The following SH3RF1 variants were observed in gnomAD, a reference collection of about 807,000 sequenced individuals.
SH3RF1 encodes the protein SH3 domain containing ring finger 1.
A neutral mutation model predicts 74.0 loss-of-function variants in SH3RF1; 32 were observed. The observed-to-expected ratio is 0.43, with a 90% CI of 0.33 to 0.58. The LOEUF is 0.58. Among genes scored for constraint, SH3RF1 ranks in the 20% least tolerant of loss-of-function variants. The pLI is 0.05. For synonymous variants in SH3RF1, 396 were observed against 439.6 expected (o/e 0.90, Z 1.24); for missense variants, 954 against 1,130.9 (o/e 0.84, Z 2.24).
chr4:169,156,399 T>C lies in SH3RF1; in HGVS notation c.669+5A>G, dbSNP rs567798362. 2.5e-6 allele frequency: 4 copies of C among 1,581,624 alleles called. No individual in the cohort carries two copies. In the African/African-American group the frequency reaches 4.0e-5, roughly 16 times the overall value. ...AAACAGAAAACAAGCACATTCTACCTTTACCTTTGCAAATGGAAGGCAATC... is the reference window on the plus strand; with the variant it reads ...AAACAGAAAACAAGCACATTCTACCCTTACCTTTGCAAATGGAAGGCAATC... On this transcript the variant is annotated splice_donor_5th_base_variant and intron_variant, in intron 3 of 11. Transcript: ENST00000284637.
intron 10 of SH3RF1, among the ~76,000 whole-genome samples, chr4:169,114,573 T>C (rs1733300885): frequency 6.6e-6 from 1 of 152,166 alleles, no homozygotes; most frequent in African/African-American, 2.4e-5. Context: ...AATTCTACAT[T>C]GGAAGGGCCC....
intron 2 of SH3RF1, among the ~76,000 whole-genome samples, chr4:169,229,763 T>C (rs186148360): frequency 6.6e-6 from 1 of 152,334 alleles, no homozygotes; most frequent in African/African-American, 2.4e-5. Context: ...TTTATGCTCC[T>C]GAGAGTATAC....
At chr4:169,228,004 T>C (rs916781603) in intron 2 of SH3RF1, among the ~76,000 whole-genome samples, 2 of 152,246 alleles carry the variant, frequency 1.3e-5, no homozygotes, top group Non-Finnish European at 2.9e-5. Flanking sequence ...GGATTTCATT[T>C]CCTATAAAAG....
At chr4:169,243,778 A>G (rs931304615) in intron 2 of SH3RF1, among the ~76,000 whole-genome samples, 4 of 152,216 alleles carry the variant, frequency 2.6e-5, no homozygotes, top group African/African-American at 9.6e-5. Context: ...TGAACTTTTT[A>G]GAATCAGAAT....
At position 169,192,241 on chromosome 4, in the gene SH3RF1, A is replaced by AG. The variant is rs758541491; in HGVS notation, c.394-35563dup. 2.0e-5 allele frequency among the ~76,000 whole-genome samples: 3 copies of AG among 152,242 alleles called. No individual in the cohort carries two copies. In the South Asian group the frequency reaches 6.2e-4, roughly 32 times the overall value. ...CAAAAAGTGGGCTCAGGACATGAAT[A>AG]GACAGTTCGCAAAAGAAGATATACA... On this transcript the variant is annotated intron_variant, in intron 2 of 11. Transcript: ENST00000284637.
chr4:169,215,534 T>C (rs759552702), intron 2 of SH3RF1, among the ~76,000 whole-genome samples: 9 of 152,206 alleles, frequency 5.9e-5, no homozygotes, highest in Non-Finnish European at 1.3e-4. Context: ...AATTTCTTCC[T>C]TCAGTGTTTG....
intron 2 of SH3RF1, among the ~76,000 whole-genome samples, chr4:169,239,367 A>C (rs1442724793): frequency 6.6e-6 from 1 of 152,202 alleles, no homozygotes; most frequent in Admixed American, 6.5e-5. Flanking sequence ...AGCCAAGCAT[A>C]CAGAGAAATA....
intron 2 of SH3RF1, among the ~76,000 whole-genome samples, chr4:169,228,947 CG>C (rs546949272): frequency 0.01 from 1,548 of 151,964 alleles, 29 homozygotes; most frequent in African/African-American, 0.036. Flanking sequence ...TTCTGTTCTT[CG>C]AAAAACAAAC....
chr4:169,126,088 C>G (rs1384103205), intron 6 of SH3RF1, among the ~76,000 whole-genome samples: 1 of 152,154 alleles, frequency 6.6e-6, no homozygotes, highest in African/African-American at 2.4e-5. Context: ...TCCCAGTGCC[C>G]TGGAACACAG....
intron 5 of SH3RF1, among the ~76,000 whole-genome samples, chr4:169,136,052 G>T (rs1425211074): frequency 6.6e-6 from 1 of 152,134 alleles, no homozygotes; most frequent in Non-Finnish European, 1.5e-5. Context: ...TGGTGAAACT[G>T]GTAAGTATTA....
At chr4:169,165,832 A>G (rs1037677640) in intron 2 of SH3RF1, among the ~76,000 whole-genome samples, 1 of 152,238 alleles carries the variant, frequency 6.6e-6, no homozygotes, top group African/African-American at 2.4e-5. Context: ...ACTAGACAAA[A>G]GCGTCAAGGC....
At chr4:169,131,471 A>G (rs1462441509) in intron 5 of SH3RF1, among the ~76,000 whole-genome samples, 2 of 152,084 alleles carry the variant, frequency 1.3e-5, no homozygotes, top group African/African-American at 4.8e-5. Flanking sequence ...TTGAACTCCA[A>G]ACCCTCATTT....
chr4:169,110,833 T>G (rs917737613), intron 10 of SH3RF1, among the ~76,000 whole-genome samples: 1 of 152,130 alleles, frequency 6.6e-6, no homozygotes, highest in African/African-American at 2.4e-5. Context: ...CTGACTCATA[T>G]GGAATTAATG....
intron 2 of SH3RF1, among the ~76,000 whole-genome samples, chr4:169,157,337 CGTGGTCT>C (rs772391891): frequency 1.3e-5 from 2 of 152,286 alleles, no homozygotes; most frequent in Non-Finnish European, 1.5e-5. Context: ...TGTATAGACA[CGTGGTCT>C]TTTACAGCCT....
At chr4:169,105,491 TA>T (rs762153442) in intron 11 of SH3RF1, among the ~76,000 whole-genome samples, 6 of 152,192 alleles carry the variant, frequency 3.9e-5, no homozygotes, top group Non-Finnish European at 7.4e-5. Flanking sequence ...CTGGAATCAC[TA>T]AAACAGGGCT....
chr4:169,218,174 AATG>A (rs1024640708), intron 2 of SH3RF1, among the ~76,000 whole-genome samples: 13 of 146,264 alleles, frequency 8.9e-5, no homozygotes, highest in African/African-American at 2.7e-4. Flanking sequence ...AATATATGTT[AATG>A]ATATGTGTAA....
chr4:169,156,775 CA>C, intron 2 of SH3RF1, 96 bp from the exon 3 acceptor site: 1 of 1,148,680 alleles, frequency 8.7e-7, no homozygotes, highest in Non-Finnish European at 1.2e-6. Context: ...AAGTCAAAGT[CA>C]AAACCACACT....
intron 2 of SH3RF1, among the ~76,000 whole-genome samples, chr4:169,176,179 C>T (rs1364275565): frequency 6.6e-6 from 1 of 152,136 alleles, no homozygotes; most frequent in Non-Finnish European, 1.5e-5. Context: ...GTTTATACTC[C>T]CCAGTCAGGT....
At chr4:169,176,425 A>G (rs1057081072) in intron 2 of SH3RF1, among the ~76,000 whole-genome samples, 6 of 152,252 alleles carry the variant, frequency 3.9e-5, no homozygotes, top group Admixed American at 1.3e-4. Context: ...AATAACAGAA[A>G]TATGATTTTA....
Sources: allele counts gnomAD v4.1 joint callset (sites outside exome capture counted in the v4.1 genomes callset), GRCh38; gene constraint gnomAD v4.1.1; transcripts MANE v1.5; gene names NCBI Gene and HGNC (gene_info 2026-07-23, HGNC 2026-07-21).